UPF2: variants seen among roughly 807,000 people sequenced by gnomAD.
UPF2 encodes regulator of nonsense transcripts 2.
A neutral mutation model predicts 141.4 loss-of-function variants in UPF2; 17 were observed. The ratio of observed to expected loss-of-function variants is 0.12; its 90% CI spans 0.08 to 0.18. The LOEUF (loss-of-function observed/expected upper bound fraction) is 0.18, where lower values mean the gene tolerates loss of function less well. Ranked by LOEUF, UPF2 falls within the 10% of genes least tolerant of loss-of-function variation. The pLI is 1.00. For synonymous variants in UPF2, 540 were observed against 498.0 expected, an observed-to-expected ratio of 1.08 and a Z score of -1.12; for missense variants, 1,152 against 1,515.9, an observed-to-expected ratio of 0.76 and a Z score of 3.99.
intron 21 of UPF2, among the ~76,000 whole-genome samples, chr10:11,928,863 A>C (rs1832746982): frequency 6.6e-6 from 1 of 152,166 alleles, no homozygotes; most frequent in Non-Finnish European, 1.5e-5. Context: ...TAATTTAAAA[A>C]AACAGGCCGG....
intron 9 of UPF2, among the ~76,000 whole-genome samples, chr10:11,972,834 C>A (rs1034288509): frequency 3.9e-5 from 6 of 152,122 alleles, no homozygotes; most frequent in African/African-American, 1.4e-4. Flanking sequence ...AATAGTGCCA[C>A]AATAAGCATA....
chr10:11,985,884 C>CTTT (rs746117868), intron 8 of UPF2, among the ~76,000 whole-genome samples: 5 of 100,752 alleles, frequency 5.0e-5, no homozygotes, highest in South Asian at 3.7e-4. Flanking sequence ...TAGATCCTTC[C>CTTT]TTTTTTTTTT....
At chr10:11,982,868 C>G (rs570332619) in intron 8 of UPF2, among the ~76,000 whole-genome samples, 2 of 152,168 alleles carry the variant, frequency 1.3e-5, no homozygotes, top group East Asian at 1.9e-4. Flanking sequence ...GATCCACCCC[C>G]CTCAGCCTCC....
chr10:11,948,569 A>T, intron 15 of UPF2, 61 bp from the exon 16 acceptor site: 1 of 1,541,462 alleles, frequency 6.5e-7, no homozygotes. Flanking sequence ...CTAGTTTTCT[A>T]CACTATACCA....
intron 11 of UPF2, among the ~76,000 whole-genome samples, chr10:11,960,889 C>T (rs984552869): frequency 2.6e-5 from 4 of 151,936 alleles, no homozygotes; most frequent in South Asian, 2.1e-4. Context: ...GCCGGGAGTT[C>T]GAGAGCAGTC....
rs376814783 is a variant in UPF2, at chr10:12,004,510, A to G, written c.1504+20T>C. 5.0e-5 allele frequency: 78 copies of G among 1,571,594 alleles called. No homozygotes were observed. The highest frequency in any genetic ancestry group is 5.9e-5 in the Non-Finnish European group (69 of 1,162,174). On this transcript the variant is annotated intron_variant, in intron 5 of 21. Coordinates refer to ENST00000357604, the MANE Select transcript of UPF2 (RefSeq NM_015542.4). ...AATTCTTATAGCACTTAATGTAAAT[A>G]TTTTTTCTCTAGAATTTACCTTTGG...
rs4747954 is a variant in UPF2, at chr10:11,930,225, A to C, written c.3689-240T>G. Among the ~76,000 whole-genome samples, 150,326 of 152,344 alleles carry C rather than the reference A, an allele frequency of 0.99. 74,206 individuals carry two copies. The highest frequency in any genetic ancestry group is 1 in the Middle Eastern group (294 of 294). ...ATGAATCTAGCCACCACATAGCTAT[A>C]TTATGAGGCAGTAGAAAAGCCTAAG... On this transcript the variant is annotated intron_variant, in intron 20 of 21. Transcript: ENST00000357604.
chr10:11,960,121 T>C (rs1833216281), intron 11 of UPF2, among the ~76,000 whole-genome samples: 1 of 152,214 alleles, frequency 6.6e-6, no homozygotes, highest in East Asian at 1.9e-4. Flanking sequence ...TGGAATGTTT[T>C]ACAGCCACTC....
chr10:11,923,872 G>A (rs1032576237), intron 21 of UPF2, among the ~76,000 whole-genome samples: 6 of 151,984 alleles, frequency 3.9e-5, no homozygotes, highest in East Asian at 1.9e-4. Context: ...ACACAAATTC[G>A]TGAAGCTTTC....
chr10:12,036,960 G>A (rs1419677556), intron 1 of UPF2, among the ~76,000 whole-genome samples: 2 of 152,210 alleles, frequency 1.3e-5, no homozygotes, highest in African/African-American at 4.8e-5. Flanking sequence ...GGGAAGCGGA[G>A]GTTGTAATGA....
At chr10:11,968,241 G>C (rs1322966676) in intron 9 of UPF2, among the ~76,000 whole-genome samples, 1 of 152,058 alleles carries the variant, frequency 6.6e-6, no homozygotes, top group African/African-American at 2.4e-5. Flanking sequence ...AAATTGCTCT[G>C]TATAACACCA....
At chr10:11,976,456 A>G (rs1158971756) in intron 9 of UPF2, among the ~76,000 whole-genome samples, 1 of 152,240 alleles carries the variant, frequency 6.6e-6, no homozygotes, top group Non-Finnish European at 1.5e-5. Context: ...TATTTATCTC[A>G]GTAACTGGAC....
At chr10:11,972,231 T>C (rs73571385) in intron 9 of UPF2, among the ~76,000 whole-genome samples, 1,572 of 152,288 alleles carry the variant, frequency 0.01, 30 homozygotes, top group African/African-American at 0.033. Context: ...TTCACCCAAA[T>C]AGAGATTTTC....
intron 3 of UPF2, among the ~76,000 whole-genome samples, chr10:12,023,688 TA>T (rs111568431): frequency 5.2e-3 from 701 of 134,558 alleles, no homozygotes; most frequent in Non-Finnish European, 5.2e-3. Flanking sequence ...AGACTCCATC[TA>T]AAAAAAAAAA....
At chr10:11,965,421 G>A (rs963926524) in intron 10 of UPF2, among the ~76,000 whole-genome samples, 2 of 152,070 alleles carry the variant, frequency 1.3e-5, no homozygotes, top group Non-Finnish European at 2.9e-5. Context: ...AGAAGGATTA[G>A]GAAACTTATC....
rs968675200 is a variant in UPF2 at position 11,921,767 on chromosome 10, C to T, written c.3810-460G>A. On this transcript the variant is annotated intron_variant, in intron 21 of 21. Coordinates refer to ENST00000357604, the MANE Select transcript of UPF2 (RefSeq NM_015542.4). The surrounding 1 kb of genome is among the most constrained non-coding windows in gnomAD (Gnocchi z 5.9). ...GCTCTCTACTGAGCTACAACTTAAC[C>T]AGAGCCATTGGAGCAATGGCTGGAG... Among the ~76,000 whole-genome samples, 25 of 152,246 alleles carry T rather than the reference C, an allele frequency of 1.6e-4. No individual in the cohort carries two copies. Among genetic ancestry groups the T allele is most frequent in the African/African-American group, 6.0e-4 (25 of 41,538 alleles).
chr10:12,035,540 A>G (rs1834610209), intron 1 of UPF2, 99 bp from the exon 2 acceptor site: 1 of 1,296,120 alleles, frequency 7.7e-7, no homozygotes, highest in Non-Finnish European at 1.0e-6. Context: ...CAACTTGGCA[A>G]TTGTAAAAGA....
chr10:12,023,235 A>G (rs1029117101), intron 3 of UPF2, among the ~76,000 whole-genome samples: 1 of 152,220 alleles, frequency 6.6e-6, no homozygotes, highest in African/African-American at 2.4e-5. Context: ...CAAAGCATAT[A>G]AAGAGCACTT....
intron 3 of UPF2, among the ~76,000 whole-genome samples, chr10:12,020,487 G>A (rs1305225650): frequency 1.3e-5 from 2 of 152,112 alleles, no homozygotes; most frequent in Admixed American, 6.5e-5. Context: ...CCAACCTCAG[G>A]TGATCCGCCA....
Sources: allele counts gnomAD v4.1 joint callset (sites outside exome capture counted in the v4.1 genomes callset), GRCh38; gene constraint gnomAD v4.1.1; non-coding constraint Gnocchi (gnomAD v3.1); transcripts MANE v1.5; gene names NCBI Gene and HGNC (gene_info 2026-07-23, HGNC 2026-07-21).